RIMKLB: variants seen among roughly 807,000 people sequenced by gnomAD.
RIMKLB encodes the protein ribosomal modification protein rimK like family member B.
RIMKLB carries 7 observed loss-of-function variants against 32.0 expected under a neutral mutation model. The ratio of observed to expected loss-of-function variants is 0.22; its 90% CI spans 0.12 to 0.41. The LOEUF (loss-of-function observed/expected upper bound fraction) is 0.41, where lower values mean the gene tolerates loss of function less well. Ranked by LOEUF, RIMKLB falls within the 10% of genes least tolerant of loss-of-function variation. The probability of loss-of-function intolerance (pLI) is 1.00; values close to 1 mark genes in which losing one functional copy is unlikely to be tolerated. For missense variants in RIMKLB, 289 were observed against 498.7 expected, an observed-to-expected ratio of 0.58 and a Z score of 4.00; for synonymous variants, 172 against 185.1, an observed-to-expected ratio of 0.93 and a Z score of 0.57.
At position 8,698,096 on chromosome 12, in the gene RIMKLB, G is replaced by C. The variant is rs1343765792; in HGVS notation, c.-258G>C. 1 of 267,750 alleles carries C rather than the reference G, an allele frequency of 3.7e-6. No individual in the cohort carries two copies. The highest frequency in any genetic ancestry group is 2.4e-5 in the African/African-American group (1 of 42,186). 16.6% of individuals were successfully genotyped at this position (267,750 alleles called of 1,614,324 possible). ...AAGCTGACGGGACGCGAGGCTGTGA[G>C]AAACTGGGCGAGTGTGCGAGGACGC... On this transcript the variant is annotated 5_prime_UTR_variant, in exon 1 of 6. Transcript: ENST00000535829.
At chr12:8,761,921 T>G (rs1010648574) in intron 5 of RIMKLB, among the ~76,000 whole-genome samples, 8 of 152,302 alleles carry the variant, frequency 5.3e-5, no homozygotes, top group Non-Finnish European at 1.0e-4. Flanking sequence ...TCCAGGGGTC[T>G]GCGGTAGATC....
chr12:8,729,009 C>A (rs754037741), intron 2 of RIMKLB, among the ~76,000 whole-genome samples: 1 of 152,072 alleles, frequency 6.6e-6, no homozygotes, highest in Non-Finnish European at 1.5e-5. Context: ...CACAGGTAAG[C>A]GGGTGCAGGA....
At chr12:8,735,375 G>T (rs755630693) in intron 2 of RIMKLB, among the ~76,000 whole-genome samples, 2 of 152,040 alleles carry the variant, frequency 1.3e-5, no homozygotes, top group Admixed American at 6.6e-5. Context: ...AACTACAGGC[G>T]CACACCACCA....
intron 2 of RIMKLB, among the ~76,000 whole-genome samples, chr12:8,717,204 G>C (rs752281142): frequency 6.6e-6 from 1 of 151,610 alleles, no homozygotes; most frequent in Admixed American, 6.6e-5. Context: ...TTGGGATAAG[G>C]GAAATGTTCT....
chr12:8,708,733 G>A (rs1944113837), intron 1 of RIMKLB, among the ~76,000 whole-genome samples: 1 of 152,162 alleles, frequency 6.6e-6, no homozygotes, highest in Non-Finnish European at 1.5e-5. Context: ...TGAAACAAAT[G>A]TCTGCTTATT....
downstream of RIMKLB, chr12:8,777,228 T>TC (rs1299894007): frequency 1.1e-4 from 104 of 971,874 alleles, no homozygotes; most frequent in East Asian, 5.4e-3. Flanking sequence ...TTTTTTTTTT[T>TC]TTTTTTTTTT....
At chr12:8,705,619 A>G (rs994917167) in intron 1 of RIMKLB, among the ~76,000 whole-genome samples, 4 of 152,344 alleles carry the variant, frequency 2.6e-5, no homozygotes, top group African/African-American at 7.2e-5. Context: ...GGATAGGTAT[A>G]TCAGTCAGGG....
In RIMKLB at chr12:8,738,389, C is replaced by T. The variant is rs753390044; in HGVS notation, c.176-11473C>T. Reference sequence around the variant, plus strand: ...CATCCTAAGTGTTTCTGCTGGAGAACGCAAAGCTTAAAATAGCATTCTTCA... The same window carrying T: ...CATCCTAAGTGTTTCTGCTGGAGAATGCAAAGCTTAAAATAGCATTCTTCA... On this transcript the variant is annotated intron_variant, in intron 2 of 5. Transcript: ENST00000535829. 4.1e-4 allele frequency among the ~76,000 whole-genome samples: 63 copies of T among 152,246 alleles called. No individual in the cohort carries two copies. The South Asian group carries it at 9.7e-3, about 24-fold the overall frequency.
In RIMKLB at chr12:8,776,277, G is replaced by A. The variant is rs1950722102; in HGVS notation, c.*2493G>A. The A allele has an allele frequency of 1.0e-6, 1 of 978,412 alleles. No individual in the cohort carries two copies. Among genetic ancestry groups the A allele is most frequent in the Non-Finnish European group, 1.2e-6 (1 of 823,698 alleles). 60.6% of individuals were successfully genotyped at this position (978,412 alleles called of 1,614,324 possible). On this transcript the variant is annotated 3_prime_UTR_variant, in exon 6 of 6. Transcript: ENST00000535829. ...ATGATATTAAAACGTACACTCACAT[G>A]TTAGAATGAAAAGAGCAGTAGTTAT...
At chr12:8,777,215 C>CTTTTTTTTTTTTTTT (rs35828763), downstream of RIMKLB, 13 of 703,890 alleles carry the variant, frequency 1.8e-5, no homozygotes, top group South Asian at 2.1e-4. Flanking sequence ...TGCTTGCTTT[C>CTTTTTTTTTTTTTTT]TTTTTTTTTT....
At chr12:8,751,386 G>A (rs1457436852) in intron 3 of RIMKLB, among the ~76,000 whole-genome samples, 1 of 151,994 alleles carries the variant, frequency 6.6e-6, no homozygotes, top group East Asian at 1.9e-4. Flanking sequence ...CTCTAACCTT[G>A]TTATTGTATC....
At chr12:8,706,469 A>T in intron 1 of RIMKLB, among the ~76,000 whole-genome samples, 2 of 116,994 alleles carry the variant, frequency 1.7e-5, no homozygotes, top group African/African-American at 7.5e-5. Context: ...TTTTTTCCTG[A>T]GACTGAGTTT....
chr12:8,673,457 T>C, the RIMKLB span, among the ~76,000 whole-genome samples: 2 of 152,102 alleles, frequency 1.3e-5, no homozygotes, highest in East Asian at 3.8e-4. Context: ...GGAATTCTGC[T>C]TTACATAGTG....
chr12:8,773,483 T>G lies in RIMKLB; in HGVS notation c.860T>G (p.Phe287Cys), dbSNP rs1279691882. 6.2e-7 allele frequency: 1 copy of G among 1,614,112 alleles called. No homozygotes were observed. The highest frequency in any genetic ancestry group is 8.5e-7 in the Non-Finnish European group (1 of 1,180,042). ...EANANVGFIA[F>C]DKACNLDVAG... ...AATGCAAATGTAGGTTTCATCGCCT[T>G]TGATAAGGCTTGTAATCTAGATGTA... The change falls in exon 6 of 6, where the codon TTT becomes TGT. Residue 287 changes from phenylalanine to cysteine, a missense_variant. By Grantham distance (205) the Phe-to-Cys change is radical. Coordinates refer to ENST00000535829, the MANE Select transcript of RIMKLB (RefSeq NM_001297776.2).
At chr12:8,779,315 T>C (rs1163927221), downstream of RIMKLB, 1 of 152,210 alleles carries the variant, frequency 6.6e-6, no homozygotes, top group African/African-American at 2.4e-5. Context: ...CTGGCTGCTA[T>C]TGTGGGGTTT....
In RIMKLB at chr12:8,749,867, C is replaced by T. The variant is rs1424474258; in HGVS notation, c.181C>T (p.Arg61Trp). 1.0e-5 allele frequency: 16 copies of T among 1,592,718 alleles called. No individual in the cohort carries two copies. Among genetic ancestry groups the T allele is most frequent in the Non-Finnish European group, 1.4e-5 (16 of 1,162,184 alleles). Residue 61 changes from arginine to tryptophan, a missense_variant, in exon 3 of 6, where the codon CGG (arginine) becomes TGG (tryptophan). By Grantham distance (101) the Arg-to-Trp change is moderately radical. Transcript: ENST00000535829. ...CTTGTATTTATATATTTCAGGTCTGCGGATCAATGGAGAGCTAATCACTGC... is the reference window on the plus strand; with the variant it reads ...CTTGTATTTATATATTTCAGGTCTGTGGATCAATGGAGAGCTAATCACTGC... ...LTIEQGNLGL[R>W]INGELITAYP...
intron 5 of RIMKLB, among the ~76,000 whole-genome samples, chr12:8,769,350 G>A (rs1950225067): frequency 6.6e-6 from 1 of 151,928 alleles, no homozygotes; most frequent in Non-Finnish European, 1.5e-5. Context: ...AGGAAAAAAT[G>A]TATATATGGA....
chr12:8,717,702 C>T (rs1367045957), intron 2 of RIMKLB, among the ~76,000 whole-genome samples: 2 of 152,128 alleles, frequency 1.3e-5, no homozygotes, highest in Non-Finnish European at 2.9e-5. Context: ...TCAAAGTTGC[C>T]TGAACTATTA....
chr12:8,744,763 T>C (rs1402503057), intron 2 of RIMKLB, among the ~76,000 whole-genome samples: 1 of 151,744 alleles, frequency 6.6e-6, no homozygotes, highest in Admixed American at 6.6e-5. Flanking sequence ...TAGGTTCAAG[T>C]GTACCTCCTG....
Sources: gnomAD v4.1 joint callset for allele counts (sites outside exome capture counted in the v4.1 genomes callset) on GRCh38, gnomAD v4.1.1 for gene constraint, MANE v1.5 for transcripts, NCBI Gene and HGNC (gene_info 2026-07-23, HGNC 2026-07-21) for gene names.